Variants in ADAMTS17 observed in about 807,000 individuals in gnomAD.
ADAMTS17 encodes ADAM metallopeptidase with thrombospondin type 1 motif 17.
ADAMTS17 carries 113 observed loss-of-function variants against 141.5 expected under a neutral mutation model. The ratio of observed to expected loss-of-function variants is 0.80; its 90% CI spans 0.69 to 0.93. The LOEUF is 0.93. Ranked by LOEUF, ADAMTS17 falls within the 40% of genes least tolerant of loss-of-function variation. The pLI is 0.00. For synonymous variants in ADAMTS17, 768 were observed against 630.6 expected, an observed-to-expected ratio of 1.22 and a Z score of -3.27; for missense variants, 1,659 against 1,517.9, an observed-to-expected ratio of 1.09 and a Z score of -1.54.
intron 15 of ADAMTS17, among the ~76,000 whole-genome samples, chr15:100,067,871 G>C (rs1243960140): frequency 6.6e-6 from 1 of 152,188 alleles, no homozygotes; most frequent in Non-Finnish European, 1.5e-5. Context: ...TGAGGTACCG[G>C]GTTCATCTCA....
chr15:100,059,065 G>A (rs1292646987), intron 15 of ADAMTS17, among the ~76,000 whole-genome samples: 10 of 152,226 alleles, frequency 6.6e-5, no homozygotes, highest in African/African-American at 1.2e-4. Flanking sequence ...GTGGGGAAGA[G>A]ATGCCTCTAA....
chr15:100,331,680 C>A (rs1388772936), intron 2 of ADAMTS17, among the ~76,000 whole-genome samples: 2 of 152,168 alleles, frequency 1.3e-5, no homozygotes, highest in Non-Finnish European at 2.9e-5. Flanking sequence ...CAATCCCGAA[C>A]TGCCTTTGAT....
At chr15:100,114,483 T>C (rs1264849317) in intron 13 of ADAMTS17, among the ~76,000 whole-genome samples, 2 of 152,242 alleles carry the variant, frequency 1.3e-5, no homozygotes, top group Non-Finnish European at 2.9e-5. Flanking sequence ...TGCTGGCTTC[T>C]GTTGGTATTT....
intron 15 of ADAMTS17, among the ~76,000 whole-genome samples, chr15:100,078,578 T>C (rs1432018324): frequency 6.6e-6 from 1 of 152,102 alleles, no homozygotes. Context: ...AAAAAATGGA[T>C]CACAGATGTA....
intron 7 of ADAMTS17, among the ~76,000 whole-genome samples, chr15:100,231,858 C>G (rs565078863): frequency 6.6e-6 from 1 of 152,160 alleles, no homozygotes; most frequent in Non-Finnish European, 1.5e-5. Flanking sequence ...TCAGGAGAAG[C>G]GAATAATGTG....
At chr15:100,131,921 G>C in intron 12 of ADAMTS17, 86 bp downstream of exon 12, 2 of 1,597,750 alleles carry the variant, frequency 1.3e-6, no homozygotes, top group Non-Finnish European at 1.7e-6. Flanking sequence ...GCGGGAGACA[G>C]ACCCTGCTTT....
chr15:100,045,570 T>A (rs1419668115), intron 18 of ADAMTS17, among the ~76,000 whole-genome samples: 1 of 152,218 alleles, frequency 6.6e-6, no homozygotes, highest in African/African-American at 2.4e-5. Context: ...TTCTTAGATT[T>A]GGCCCTAGTC....
intron 14 of ADAMTS17, 78 bp downstream of exon 14, chr15:100,108,911 C>T (rs2036570362): frequency 1.2e-6 from 2 of 1,607,484 alleles, no homozygotes; most frequent in Admixed American, 1.7e-5. Flanking sequence ...GAGACCTCTG[C>T]TCTACCCCAC....
chr15:100,182,997 CT>C (rs527416164), intron 8 of ADAMTS17, among the ~76,000 whole-genome samples: 1 of 148,220 alleles, frequency 6.7e-6, no homozygotes, highest in South Asian at 2.1e-4. Flanking sequence ...TTTTCTTTTT[CT>C]TTTTTTTTGA....
chr15:100,148,970 G>C (rs531474104), intron 10 of ADAMTS17, among the ~76,000 whole-genome samples: 1 of 152,350 alleles, frequency 6.6e-6, no homozygotes, highest in South Asian at 2.1e-4. Context: ...AACCAGTACA[G>C]CTGGAATAGA....
At chr15:100,232,734 T>C (rs927670267) in intron 7 of ADAMTS17, among the ~76,000 whole-genome samples, 2 of 152,214 alleles carry the variant, frequency 1.3e-5, no homozygotes, top group African/African-American at 4.8e-5. Flanking sequence ...ACTTGGCCAT[T>C]TGGCCCATGC....
chr15:100,048,793 C>A, intron 18 of ADAMTS17, 64 bp downstream of exon 18: 3 of 1,612,128 alleles, frequency 1.9e-6, no homozygotes, highest in Non-Finnish European at 2.5e-6. Flanking sequence ...TATCACTCCC[C>A]ACCACTGATG....
intron 10 of ADAMTS17, among the ~76,000 whole-genome samples, chr15:100,142,523 A>T (rs573269514): frequency 3.3e-5 from 5 of 152,312 alleles, no homozygotes; most frequent in African/African-American, 9.6e-5. Context: ...ACATTTATTG[A>T]GTGTGTGCTA....
intron 10 of ADAMTS17, among the ~76,000 whole-genome samples, chr15:100,144,827 G>C (rs2038825226): frequency 1.3e-5 from 2 of 151,072 alleles, no homozygotes; most frequent in South Asian, 4.2e-4. Flanking sequence ...CCTCCTGCCA[G>C]GGAACAGTGT....
intron 10 of ADAMTS17, among the ~76,000 whole-genome samples, chr15:100,145,757 G>C (rs903728911): frequency 2.0e-5 from 3 of 152,212 alleles, no homozygotes; most frequent in African/African-American, 4.8e-5. Flanking sequence ...ACAGGAATAA[G>C]CAATATATGA....
At chr15:100,063,968 G>A (rs1216612570) in intron 15 of ADAMTS17, among the ~76,000 whole-genome samples, 1 of 152,138 alleles carries the variant, frequency 6.6e-6, no homozygotes, top group Non-Finnish European at 1.5e-5. Flanking sequence ...TTCAGGTTGA[G>A]TGGTGTCCCC....
intron 16 of ADAMTS17, among the ~76,000 whole-genome samples, chr15:100,053,068 G>C (rs73472501): frequency 6.6e-6 from 1 of 152,314 alleles, no homozygotes; most frequent in African/African-American, 2.4e-5. Flanking sequence ...AACTTCCACG[G>C]AGAGACTCTG....
At chr15:100,253,350 T>TAGA (rs554190102) in intron 7 of ADAMTS17, among the ~76,000 whole-genome samples, 1 of 96,432 alleles carries the variant, frequency 1.0e-5, no homozygotes, top group Non-Finnish European at 2.1e-5. Context: ...AAGGGGAAGG[T>TAGA]GAGGGAGGGG....
At chr15:100,204,509 A>G (rs1344142543) in intron 7 of ADAMTS17, among the ~76,000 whole-genome samples, 1 of 152,242 alleles carries the variant, frequency 6.6e-6, no homozygotes, top group East Asian at 1.9e-4. Flanking sequence ...TGTGGGTGTG[A>G]TCTGAATGGC....
Sources: allele counts gnomAD v4.1 joint callset (sites outside exome capture counted in the v4.1 genomes callset), GRCh38; gene constraint gnomAD v4.1.1; transcripts MANE v1.5; gene names NCBI Gene and HGNC (gene_info 2026-07-23, HGNC 2026-07-21).